PIK3R3: variants seen among roughly 807,000 people sequenced by gnomAD.
PIK3R3 encodes phosphatidylinositol 3-kinase regulatory subunit gamma.
In PIK3R3, 64 loss-of-function variants were observed where a neutral mutation model predicts 62.9. That is an observed-to-expected ratio of 1.02 (90% CI 0.83 to 1.25). The LOEUF is 1.25. PIK3R3 is among the 50% of genes most tolerant of loss of function. PIK3R3 has a pLI of 0.00. For synonymous variants in PIK3R3, 165 were observed against 189.0 expected, an observed-to-expected ratio of 0.87 and a Z score of 1.04; for missense variants, 614 against 561.6, an observed-to-expected ratio of 1.09 and a Z score of -0.94.
chr1:46,132,106 G>A lies in PIK3R3; in HGVS notation c.-154C>T, dbSNP rs897941995. 2.0e-5 allele frequency: 28 copies of A among 1,420,482 alleles called. No homozygotes were observed. The highest frequency in any genetic ancestry group is 2.9e-5 in the African/African-American group (2 of 69,138). The allele number at this position is 1,420,482 out of a possible 1,614,324, so 88.0% of individuals were successfully genotyped here. A position where few individuals can be genotyped will look rare whatever the true frequency, so the allele number is the denominator to read the frequency against. On this transcript the variant is annotated 5_prime_UTR_variant, in exon 1 of 10. Transcript: ENST00000262741. The stretch of plus-strand genomic sequence containing the variant: ...CAGTACCAGTCCGGCCAAACTACCC[G>A]AACAGGGTCCTCCCCCTCTCTCCTA...
intron 3 of PIK3R3, among the ~76,000 whole-genome samples, 187 bp from the exon 4 acceptor site, chr1:46,067,278 A>ATAT (rs1557574769): frequency 3.4e-5 from 5 of 145,852 alleles, no homozygotes; most frequent in East Asian, 2.0e-4. Context: ...ATATATATAT[A>ATAT]ATTCATTTTG....
At chr1:46,156,039 A>C in the PIK3R3 span, among the ~76,000 whole-genome samples, 1 of 152,194 alleles carries the variant, frequency 6.6e-6, no homozygotes, top group Non-Finnish European at 1.5e-5. Context: ...AGTAATGTAC[A>C]TGAAAAAGAG....
intron 1 of PIK3R3, among the ~76,000 whole-genome samples, chr1:46,088,520 T>A (rs1408820816): frequency 6.6e-6 from 1 of 152,074 alleles, no homozygotes; most frequent in African/African-American, 2.4e-5. Flanking sequence ...AGAGCCCTTA[T>A]ATATTAAAAT....
In PIK3R3 at chr1:46,119,773, ATT is replaced by A. The variant is rs749113212; in HGVS notation, c.106+12072_106+12073del. Among the ~76,000 whole-genome samples, 1,064 of 124,214 alleles carry A rather than the reference ATT, an allele frequency of 8.6e-3. 5 individuals carry two copies. The highest frequency in any genetic ancestry group is 0.03 in the Middle Eastern group (7 of 230). The allele number at this position is 124,214 out of a possible 152,430, so 81.5% of individuals were successfully genotyped here. A position where few individuals can be genotyped will look rare whatever the true frequency, so the allele number is the denominator to read the frequency against. The stretch of plus-strand genomic sequence containing the variant: ...TATGTGCCATTGTAACCAACTCCTA[ATT>A]TTTTTTTTTTTTTTTTTTTTGAGAC... On this transcript the variant is annotated intron_variant, in intron 1 of 9. Transcript: ENST00000262741.
At chr1:46,144,171 A>G in the PIK3R3 span, among the ~76,000 whole-genome samples, 79 of 152,304 alleles carry the variant, frequency 5.2e-4, 1 homozygote, top group African/African-American at 1.8e-3. Context: ...CACGGAATCA[A>G]TCTCTGGAGG....
chr1:46,167,576 C>T, the PIK3R3 span, among the ~76,000 whole-genome samples: 1 of 152,176 alleles, frequency 6.6e-6, no homozygotes, highest in Admixed American at 6.5e-5. Context: ...CAGCCCCCAC[C>T]TCTACTGTTA....
chr1:46,118,928 A>T lies in PIK3R3; in HGVS notation c.106+12919T>A, dbSNP rs763649695. On this transcript the variant is annotated intron_variant, in intron 1 of 9. Coordinates refer to ENST00000262741, the MANE Select transcript of PIK3R3 (RefSeq NM_003629.4). ...GGCCTCCTAGATGATCCCTGAATAT[A>T]TCACAGAGATGCTCCTGCCTCAGGG... 2.8e-4 allele frequency among the ~76,000 whole-genome samples: 42 copies of T among 151,894 alleles called. 1 individual carries two copies. In the Middle Eastern group the frequency reaches 0.034, roughly 123 times the overall value.
chr1:46,112,201 A>T (rs1653803418), intron 1 of PIK3R3, among the ~76,000 whole-genome samples: 1 of 152,188 alleles, frequency 6.6e-6, no homozygotes, highest in African/African-American at 2.4e-5. Context: ...TAAAAATGGG[A>T]TCTTATTATA....
the PIK3R3 span, among the ~76,000 whole-genome samples, chr1:46,160,632 C>G: frequency 6.6e-6 from 1 of 152,222 alleles, no homozygotes; most frequent in South Asian, 2.1e-4. Context: ...CAAAGATGAC[C>G]AACAGCCATC....
Position 46,067,050 on chromosome 1 carries a change from T to A in PIK3R3, c.356A>T (p.Asp119Val), listed in dbSNP as rs1174821723. The change falls in exon 4 of 10, where the codon GAT becomes GTT. Residue 119 changes from aspartate to valine, a missense_variant. By Grantham distance (152) the Asp-to-Val change is radical (BLOSUM62 -3). Coordinates refer to ENST00000262741, the MANE Select transcript of PIK3R3 (RefSeq NM_003629.4). ...AGGATCAGAAAAGCCATATTTACCA[T>A]CCCGGTGATAGATCTTTATTAACTT... ...NNKLIKIYHR[D>V]GKYGFSDPLT... 1 of 1,598,408 alleles carries A rather than the reference T, an allele frequency of 6.3e-7. No homozygotes were observed.
At chr1:46,073,793 T>C (rs1649768883) in intron 3 of PIK3R3, among the ~76,000 whole-genome samples, 1 of 150,532 alleles carries the variant, frequency 6.6e-6, no homozygotes, top group Non-Finnish European at 1.5e-5. Context: ...TTAATTTTTT[T>C]TTTTTTTTTT....
chr1:46,149,888 A>G, the PIK3R3 span, among the ~76,000 whole-genome samples: 1 of 152,228 alleles, frequency 6.6e-6, no homozygotes, highest in African/African-American at 2.4e-5. Context: ...TGTAAACTCA[A>G]GAATAATCCA....
the PIK3R3 span, among the ~76,000 whole-genome samples, chr1:46,163,709 G>A: frequency 6.6e-6 from 1 of 152,144 alleles, no homozygotes; most frequent in Non-Finnish European, 1.5e-5. Flanking sequence ...TGCCCTCTTA[G>A]AGCAGATGTC....
Position 46,066,149 on chromosome 1 carries a change from C to T in PIK3R3, c.526G>A (p.Ala176Thr), listed in dbSNP as rs762149542. 2 of 1,583,716 alleles carry T rather than the reference C, an allele frequency of 1.3e-6. No individual in the cohort carries two copies. Among genetic ancestry groups the T allele is most frequent in the Non-Finnish European group, 1.7e-6 (2 of 1,153,062 alleles). Residue 176 changes from alanine (A) to threonine (T), a missense_variant, in exon 5 of 10, where the codon GCA becomes ACA. Transcript: ENST00000262741. Reference protein sequence around the residue: ...DQLVKEDNIDAVGKKLQEYHS... With the variant: ...DQLVKEDNIDTVGKKLQEYHS... Reference sequence around the variant, plus strand: ...TATTCTTGCAGTTTTTTACCTACTGCATCAATATTATCTTCTTTTACCAAC... The same window carrying T: ...TATTCTTGCAGTTTTTTACCTACTGTATCAATATTATCTTCTTTTACCAAC...
At chr1:46,049,870 A>G (rs1647215286) in intron 7 of PIK3R3, among the ~76,000 whole-genome samples, 1 of 152,234 alleles carries the variant, frequency 6.6e-6, no homozygotes, top group South Asian at 2.1e-4. Flanking sequence ...CTGTAATCCC[A>G]GCACTTTGGG....
At chr1:46,047,805 G>A (rs2149375118) in intron 7 of PIK3R3, among the ~76,000 whole-genome samples, 1 of 152,158 alleles carries the variant, frequency 6.6e-6, no homozygotes, top group South Asian at 2.1e-4. Context: ...TTTTGAGACG[G>A]ACTCTCACTC....
chr1:46,102,249 T>G (rs1204837206), intron 1 of PIK3R3, among the ~76,000 whole-genome samples: 2 of 152,154 alleles, frequency 1.3e-5, no homozygotes, highest in Non-Finnish European at 2.9e-5. Context: ...CCTCCCAAAG[T>G]GCTGGGATTA....
chr1:46,075,779 A>C (rs1160959056), intron 3 of PIK3R3, among the ~76,000 whole-genome samples: 1 of 152,190 alleles, frequency 6.6e-6, no homozygotes, highest in Admixed American at 6.5e-5. Context: ...GAGGCTGAGA[A>C]GTCCCATTAC....
the PIK3R3 span, among the ~76,000 whole-genome samples, chr1:46,142,514 C>T: frequency 2.0e-5 from 3 of 152,026 alleles, no homozygotes; most frequent in South Asian, 2.1e-4. Context: ...CTGGCTAACA[C>T]GGTGAAACCC....
Sources: gnomAD v4.1 joint callset for allele counts (sites outside exome capture counted in the v4.1 genomes callset) on GRCh38, gnomAD v4.1.1 for gene constraint, MANE v1.5 for transcripts, NCBI Gene and HGNC (gene_info 2026-07-23, HGNC 2026-07-21) for gene names.